WDR59: variants seen among roughly 807,000 people sequenced by gnomAD.
WDR59 encodes the protein GATOR2 complex protein WDR59.
WDR59 carries 100 observed loss-of-function variants against 131.2 expected under a neutral mutation model. That is an observed-to-expected ratio of 0.76 (90% CI 0.65 to 0.90). The LOEUF (loss-of-function observed/expected upper bound fraction) is 0.90, where lower values mean the gene tolerates loss of function less well. WDR59 is among the 40% of genes least tolerant of loss of function. The pLI is 0.00. For missense variants in WDR59, 1,203 were observed against 1,262.2 expected, an observed-to-expected ratio of 0.95 and a Z score of 0.71; for synonymous variants, 601 against 466.2, an observed-to-expected ratio of 1.29 and a Z score of -3.72.
At chr16:74,970,054 C>G (rs2033919930) in intron 1 of WDR59, among the ~76,000 whole-genome samples, 1 of 151,948 alleles carries the variant, frequency 6.6e-6, no homozygotes, top group Admixed American at 6.6e-5. Flanking sequence ...CTCCCAAATA[C>G]CTGGGACCAC....
chr16:74,979,240 A>C (rs1393803402), intron 1 of WDR59: 1 of 109,718 alleles, frequency 9.1e-6, no homozygotes, highest in Non-Finnish European at 2.0e-5. Context: ...CAAGGCGGGC[A>C]GATCACGAGA....
intron 1 of WDR59, among the ~76,000 whole-genome samples, chr16:74,976,632 A>T (rs543855424): frequency 1.2e-4 from 19 of 152,096 alleles, no homozygotes; most frequent in East Asian, 3.9e-4. Flanking sequence ...TAGTAGAGAC[A>T]GGGTTTCACT....
At position 74,918,345 on chromosome 16, in the gene WDR59, G is replaced by T. The variant is rs755763129; in HGVS notation, c.887-337C>A. The stretch of plus-strand genomic sequence containing the variant: ...ATTTGAGCAGAAACTTAAATGATGT[G>T]AAATACTAACTGGCAAATTAGCAGG... On this transcript the variant is annotated intron_variant, in intron 10 of 25. Transcript: ENST00000262144. Among the ~76,000 whole-genome samples, 4 of 152,316 alleles carry T rather than the reference G, an allele frequency of 2.6e-5. No individual in the cohort carries two copies. The East Asian group carries it at 7.7e-4, about 29-fold the overall frequency.
chr16:74,940,784 C>T (rs977256415), intron 7 of WDR59, among the ~76,000 whole-genome samples: 2 of 152,076 alleles, frequency 1.3e-5, no homozygotes, highest in Non-Finnish European at 2.9e-5. Context: ...CGGCTCACTG[C>T]AAGCTCCGCC....
intron 18 of WDR59, among the ~76,000 whole-genome samples, chr16:74,895,506 A>G (rs902651433): frequency 6.6e-6 from 1 of 151,936 alleles, no homozygotes; most frequent in Admixed American, 6.6e-5. Context: ...CAAGTGATTC[A>G]CCCACCTTGG....
intron 1 of WDR59, among the ~76,000 whole-genome samples, chr16:74,980,390 T>C (rs1345795258): frequency 1.4e-5 from 2 of 146,456 alleles, no homozygotes; most frequent in Non-Finnish European, 3.0e-5. Context: ...AGAGTTTCGC[T>C]CTTGCCCAGG....
chr16:74,981,439 T>G (rs2034399827), intron 1 of WDR59, among the ~76,000 whole-genome samples: 1 of 149,222 alleles, frequency 6.7e-6, no homozygotes, highest in Non-Finnish European at 1.5e-5. Flanking sequence ...GCACCTGTAT[T>G]CACAGCTACT....
At chr16:74,929,150 C>T (rs192590639) in intron 8 of WDR59, among the ~76,000 whole-genome samples, 6 of 152,300 alleles carry the variant, frequency 3.9e-5, no homozygotes, top group Admixed American at 2.0e-4. Flanking sequence ...TCTCCGCTCA[C>T]GGCAAGCTCG....
Position 74,908,987 on chromosome 16 carries a change from G to T in WDR59, c.1643-10C>A. 3 of 1,612,724 alleles carry T rather than the reference G, an allele frequency of 1.9e-6. No homozygotes were observed. The South Asian group carries it at 3.3e-5, about 18-fold the overall frequency. ...AAATATACCAGGTAACCTAAAGGAG[G>T]AGACATCACATGAGCCATCAGTGTC... is the stretch of plus-strand genomic sequence containing the variant. On this transcript the variant is annotated splice_polypyrimidine_tract_variant and intron_variant, in intron 16 of 25. Transcript: ENST00000262144.
intron 3 of WDR59, 99 bp downstream of exon 3, chr16:74,956,376 C>T: frequency 2.0e-5 from 29 of 1,422,528 alleles, no homozygotes; most frequent in Non-Finnish European, 2.6e-5. Context: ...TCCAAATGAG[C>T]AATGAGGACT....
At chr16:74,929,200 G>C (rs937029045) in intron 8 of WDR59, among the ~76,000 whole-genome samples, 6 of 152,088 alleles carry the variant, frequency 3.9e-5, no homozygotes, top group Non-Finnish European at 7.4e-5. Flanking sequence ...TCAGCCTTCC[G>C]AATAGCTGGG....
At chr16:74,911,216 A>T (rs1435575578) in intron 14 of WDR59, among the ~76,000 whole-genome samples, 3 of 152,210 alleles carry the variant, frequency 2.0e-5, no homozygotes, top group Non-Finnish European at 2.9e-5. Flanking sequence ...GTATCATTTT[A>T]TACTAACAGA....
At chr16:74,890,695 G>A (rs909096995) in intron 20 of WDR59, among the ~76,000 whole-genome samples, 1 of 152,134 alleles carries the variant, frequency 6.6e-6, no homozygotes, top group Non-Finnish European at 1.5e-5. Context: ...ATACCTCCCC[G>A]ACTTGAAATC....
At chr16:74,957,692 A>AC (rs2033359803) in intron 2 of WDR59, among the ~76,000 whole-genome samples, 1 of 152,192 alleles carries the variant, frequency 6.6e-6, no homozygotes, top group Non-Finnish European at 1.5e-5. Context: ...TAAGTAAAAT[A>AC]CCCTTGGTGT....
intron 2 of WDR59, among the ~76,000 whole-genome samples, chr16:74,958,606 A>AAAAAAAAAAAAC: frequency 7.0e-6 from 1 of 141,952 alleles, no homozygotes; most frequent in African/African-American, 2.5e-5. Flanking sequence ...AAAAAAAAAA[A>AAAAAAAAAAAAC]AAAAAAAAAA....
chr16:74,873,569 G>A lies in WDR59; in HGVS notation c.*640C>T, dbSNP rs969141460. On this transcript the variant is annotated 3_prime_UTR_variant, in exon 26 of 26. Coordinates refer to ENST00000262144, the MANE Select transcript of WDR59 (RefSeq NM_030581.4). ...AGGGTAAAAAATGATTCACCATAAT[G>A]TTGTTTAACTTTCTCTCTTTTTTTT... 1.3e-5 allele frequency: 2 copies of A among 148,542 alleles called. No homozygotes were observed. Among genetic ancestry groups the A allele is most frequent in the African/African-American group, 5.0e-5 (2 of 40,308 alleles). The allele number at this position is 148,542 out of a possible 1,614,324, so 9.2% of individuals were successfully genotyped here.
chr16:74,938,463 T>G (rs552656217), intron 7 of WDR59, among the ~76,000 whole-genome samples, 197 bp from the exon 8 acceptor site: 6 of 152,206 alleles, frequency 3.9e-5, no homozygotes, highest in African/African-American at 1.4e-4. Flanking sequence ...CTCCTTCACA[T>G]GCTCTGAAAA....
rs1180424551 is a variant in WDR59, at chr16:74,873,375, A to C, written c.*834T>G. The stretch of plus-strand genomic sequence containing the variant: ...GACTTTTCTATCCATGCTGCACGGC[A>C]ATCTTGTCCTCCTTTTGCTAGAAGA... On this transcript the variant is annotated 3_prime_UTR_variant, in exon 26 of 26. Transcript: ENST00000262144. The C allele has an allele frequency of 2.6e-5, 4 of 152,218 alleles. No homozygotes were observed. The highest frequency in any genetic ancestry group is 9.7e-5 in the African/African-American group (4 of 41,438). 9.4% of individuals were successfully genotyped at this position (152,218 alleles called of 1,614,324 possible).
At position 74,965,824 on chromosome 16, in the gene WDR59, T is replaced by TTA. The variant is rs2033749625; in HGVS notation, c.55-3_55-2insTA. 2 of 1,614,024 alleles carry TTA rather than the reference T, an allele frequency of 1.2e-6. No homozygotes were observed. Among genetic ancestry groups the TTA allele is most frequent in the Non-Finnish European group, 1.7e-6 (2 of 1,179,988 alleles). Reference sequence around the variant, plus strand: ...ACAGTCCACAGACATCGCAGTTGCCTGAGAGAGAGAACACAGAGTCAGTGC... The same window carrying TTA: ...ACAGTCCACAGACATCGCAGTTGCCTTAGAGAGAGAGAACACAGAGTCAGTGC... On this transcript the variant is annotated splice_region_variant and splice_polypyrimidine_tract_variant and intron_variant, in intron 1 of 25. Transcript: ENST00000262144.
Sources: allele counts gnomAD v4.1 joint callset (sites outside exome capture counted in the v4.1 genomes callset), GRCh38; gene constraint gnomAD v4.1.1; transcripts MANE v1.5; gene names NCBI Gene and HGNC (gene_info 2026-07-23, HGNC 2026-07-21).